PTPRQ: variants seen among roughly 807,000 people sequenced by gnomAD.
The protein encoded by PTPRQ is phosphatidylinositol phosphatase PTPRQ.
In PTPRQ, 199 loss-of-function variants were observed where a neutral mutation model predicts 246.0. The ratio of observed to expected loss-of-function variants is 0.81; its 90% CI spans 0.72 to 0.91. The LOEUF (loss-of-function observed/expected upper bound fraction) is 0.91, where lower values mean the gene tolerates loss of function less well. Among genes scored for constraint, PTPRQ ranks in the 40% least tolerant of loss-of-function variants. The probability of loss-of-function intolerance (pLI) is 0.00; values close to 1 mark genes in which losing one functional copy is unlikely to be tolerated. For synonymous variants in PTPRQ, 869 were observed against 853.2 expected (o/e 1.02, Z -0.32); for missense variants, 2,624 against 2,528.4 (o/e 1.04, Z -0.81).
At chr12:80,572,933 G>A (rs936880561) in intron 25 of PTPRQ, among the ~76,000 whole-genome samples, 1 of 152,006 alleles carries the variant, frequency 6.6e-6, no homozygotes, top group Admixed American at 6.5e-5. Flanking sequence ...TTGTATTTTT[G>A]TTCAGGATAG....
At chr12:80,651,678 G>GAAACTTTTAT (rs1293771448) in intron 37 of PTPRQ, among the ~76,000 whole-genome samples, 1 of 152,076 alleles carries the variant, frequency 6.6e-6, no homozygotes, top group African/African-American at 2.4e-5. Context: ...TCTAGAAATG[G>GAAACTTTTAT]AAACTTTTAT....
chr12:80,637,567 A>C (rs1238960366), intron 35 of PTPRQ, among the ~76,000 whole-genome samples: 1 of 152,220 alleles, frequency 6.6e-6, no homozygotes, highest in Non-Finnish European at 1.5e-5. Flanking sequence ...ATGGCACATA[A>C]TAACATGCTT....
chr12:80,535,191 G>A (rs1246570809), intron 19 of PTPRQ, among the ~76,000 whole-genome samples, 154 bp downstream of exon 19: 6 of 149,734 alleles, frequency 4.0e-5, no homozygotes, highest in African/African-American at 1.5e-4. Flanking sequence ...AAAATGCGGT[G>A]TAGAAATGTC....
At chr12:80,554,093 A>G (rs572060460) in intron 25 of PTPRQ, among the ~76,000 whole-genome samples, 1 of 151,846 alleles carries the variant, frequency 6.6e-6, no homozygotes, top group African/African-American at 2.4e-5. Context: ...GGGTAGGAAA[A>G]GCGGGGATGG....
At chr12:80,572,873 T>A (rs952727685) in intron 25 of PTPRQ, among the ~76,000 whole-genome samples, 3 of 152,212 alleles carry the variant, frequency 2.0e-5, no homozygotes, top group Admixed American at 6.5e-5. Flanking sequence ...AGATGTGTTA[T>A]TCTACTATAT....
Position 80,542,074 on chromosome 12 carries a change from C to G in PTPRQ, c.3446-15C>G, listed in dbSNP as rs575859601. 3.3e-6 allele frequency: 5 copies of G among 1,530,666 alleles called. No homozygotes were observed. The East Asian group carries it at 1.2e-4, about 38-fold the overall frequency. The allele number at this position is 1,530,666 out of a possible 1,614,324, so 94.8% of individuals were successfully genotyped here. A position where few individuals can be genotyped will look rare whatever the true frequency, so the allele number is the denominator to read the frequency against. On this transcript the variant is annotated splice_polypyrimidine_tract_variant and intron_variant, in intron 21 of 44. Coordinates refer to ENST00000644991, the MANE Select transcript of PTPRQ (RefSeq NM_001145026.2). ...TCACTTTTGTTTCATTTAATATTCTCTTTTTCTTTTATAGTCCCAGAAACT... is the reference window on the plus strand; with the variant it reads ...TCACTTTTGTTTCATTTAATATTCTGTTTTTCTTTTATAGTCCCAGAAACT...
intron 35 of PTPRQ, among the ~76,000 whole-genome samples, chr12:80,646,021 A>G (rs576859730): frequency 1.3e-5 from 2 of 152,192 alleles, no homozygotes; most frequent in African/African-American, 2.4e-5. Flanking sequence ...ATTCGTGACT[A>G]CTATATTTTA....
At chr12:80,624,049 GAAAT>G (rs1207174393) in intron 33 of PTPRQ, among the ~76,000 whole-genome samples, 3 of 152,132 alleles carry the variant, frequency 2.0e-5, no homozygotes, top group Non-Finnish European at 4.4e-5. Context: ...GAATGTAGCA[GAAAT>G]ACACAGTCAG....
Position 80,459,325 on chromosome 12 carries a change from G to A in PTPRQ, c.502G>A (p.Ala168Thr), listed in dbSNP as rs982339968. Residue 168 changes from alanine (A) to threonine (T), a missense_variant, in exon 5 of 45, where the codon GCT (alanine) becomes ACT (threonine). Ala to Thr is a moderately conservative substitution (Grantham distance 58). Coordinates refer to ENST00000644991, the MANE Select transcript of PTPRQ (RefSeq NM_001145026.2). ...GAATCTCACAGTTGAGGCCTACAAC[G>A]CTTCAGCAGTTAAGCTGATTTGGTA... ...VVNLTVEAYN[A>T]SAVKLIWYLP... 2.5e-6 allele frequency: 1 copy of A among 398,272 alleles called. No individual in the cohort carries two copies. Among genetic ancestry groups the A allele is most frequent in the Non-Finnish European group, 4.4e-6 (1 of 225,944 alleles). The allele number at this position is 398,272 out of a possible 1,614,324, so 24.7% of individuals were successfully genotyped here. A position where few individuals can be genotyped will look rare whatever the true frequency, so the allele number is the denominator to read the frequency against.
rs1592582711 is a variant in PTPRQ at position 80,496,377 on chromosome 12, A to G, written c.2118A>G (p.Ile706Met). ...CTTATGAAGTGCTATATAAAAATATAGATACTTTATATATGAAGAACACAT... is the reference window on the plus strand; with the variant it reads ...CTTATGAAGTGCTATATAAAAATATGGATACTTTATATATGAAGAACACAT... Reference protein sequence around the residue: ...IIAYEVLYKNIDTLYMKNTST... With the variant: ...IIAYEVLYKNMDTLYMKNTST... Residue 706 changes from isoleucine (I) to methionine (M), a missense_variant, in exon 14 of 45, where the codon ATA becomes ATG. Ile to Met is a conservative substitution (Grantham distance 10, BLOSUM62 1). Transcript: ENST00000644991. 3.9e-6 allele frequency: 6 copies of G among 1,550,412 alleles called. No individual in the cohort carries two copies. The highest frequency in any genetic ancestry group is 5.2e-6 in the Non-Finnish European group (6 of 1,146,258).
Position 80,539,943 on chromosome 12 carries a change from C to G in PTPRQ, c.3153C>G (p.Asp1051Glu). ...SDIIEVYTDQ[D>E]IPEGFVGNLT... ...TCATTGAAGTATACACAGATCAAGA[C>G]AGTATGTAAACAAAAAACACTAATC... Residue 1051 changes from aspartate (D) to glutamate (E), a missense_variant and splice_region_variant, in exon 20 of 45, where the codon GAC (aspartate) becomes GAG (glutamate). Physicochemically the swap from Asp to Glu is conservative, Grantham distance 45. Coordinates refer to ENST00000644991, the MANE Select transcript of PTPRQ (RefSeq NM_001145026.2). The G allele has an allele frequency of 1.3e-6, 2 of 1,499,594 alleles. No homozygotes were observed. The highest frequency in any genetic ancestry group is 1.8e-6 in the Non-Finnish European group (2 of 1,125,718). 92.9% of individuals were successfully genotyped at this position (1,499,594 alleles called of 1,614,324 possible). A position where few individuals can be genotyped will look rare whatever the true frequency, so the allele number is the denominator to read the frequency against.
intron 39 of PTPRQ, among the ~76,000 whole-genome samples, chr12:80,663,265 A>T (rs1475790639): frequency 6.6e-6 from 1 of 151,978 alleles, no homozygotes; most frequent in Admixed American, 6.6e-5. Context: ...AATTATTTAT[A>T]TATGTGTATG....
At chr12:80,648,145 A>G (rs1451677575) in intron 35 of PTPRQ, among the ~76,000 whole-genome samples, 1 of 152,106 alleles carries the variant, frequency 6.6e-6, no homozygotes, top group Non-Finnish European at 1.5e-5. Context: ...ATTAAAGAAT[A>G]TAGTAAAATC....
chr12:80,486,548 A>G (rs1029805710), intron 9 of PTPRQ, among the ~76,000 whole-genome samples: 10 of 152,110 alleles, frequency 6.6e-5, no homozygotes, highest in African/African-American at 2.4e-4. Flanking sequence ...ACTTTTGGAG[A>G]CTTGGTGCCT....
intron 25 of PTPRQ, among the ~76,000 whole-genome samples, chr12:80,553,877 C>T (rs1316052126): frequency 1.3e-5 from 2 of 152,246 alleles, no homozygotes; most frequent in Middle Eastern, 3.4e-3. Flanking sequence ...ATTCAAAATG[C>T]ACTTATTCAT....
At chr12:80,448,723 C>T (rs1592512068) in intron 3 of PTPRQ, among the ~76,000 whole-genome samples, 2 of 149,412 alleles carry the variant, frequency 1.3e-5, no homozygotes, top group Non-Finnish European at 1.5e-5. Context: ...TTTATGGCTG[C>T]ATAGTATTCC....
chr12:80,556,039 T>G (rs562303122), intron 25 of PTPRQ, among the ~76,000 whole-genome samples: 2 of 152,318 alleles, frequency 1.3e-5, no homozygotes, highest in South Asian at 4.1e-4. Context: ...TTGAAGATTT[T>G]TTTTTTGAGA....
At chr12:80,554,790 T>C (rs530770326) in intron 25 of PTPRQ, among the ~76,000 whole-genome samples, 74 of 152,190 alleles carry the variant, frequency 4.9e-4, no homozygotes, top group Non-Finnish European at 9.3e-4. Context: ...TCACCGAGGC[T>C]GGAGTGCAGT....
chr12:80,537,583 A>G (rs965100838), intron 19 of PTPRQ, among the ~76,000 whole-genome samples: 1 of 152,226 alleles, frequency 6.6e-6, no homozygotes, highest in African/African-American at 2.4e-5. Context: ...GTAGACCAAC[A>G]TCACTTTTAG....
Sources: gnomAD v4.1 joint callset for allele counts (sites outside exome capture counted in the v4.1 genomes callset) on GRCh38, gnomAD v4.1.1 for gene constraint, MANE v1.5 for transcripts, NCBI Gene and HGNC (gene_info 2026-07-23, HGNC 2026-07-21) for gene names.